Variants in RALGAPA2 observed in about 807,000 individuals in gnomAD.
RALGAPA2 encodes Ral GTPase activating protein catalytic subunit alpha 2, also known as ral GTPase-activating protein subunit alpha-2.
Under a neutral mutation model 230.4 loss-of-function variants are expected in RALGAPA2, and 139 were observed. The observed-to-expected ratio is 0.60, with a 90% CI of 0.53 to 0.69. The LOEUF is 0.69. Ranked by LOEUF, RALGAPA2 falls within the 30% of genes least tolerant of loss-of-function variation. The pLI is 0.00. For synonymous variants in RALGAPA2, 847 were observed against 837.8 expected (o/e 1.01, Z -0.19); for missense variants, 2,163 against 2,276.0 (o/e 0.95, Z 1.01).
chr20:20,618,528 A>G (rs1353180215), intron 12 of RALGAPA2, among the ~76,000 whole-genome samples: 6 of 152,186 alleles, frequency 3.9e-5, no homozygotes, highest in Non-Finnish European at 7.3e-5. Context: ...AACAGATGAC[A>G]GAAAATTAGA....
chr20:20,573,424 C>T (rs897456360), intron 20 of RALGAPA2, among the ~76,000 whole-genome samples: 2 of 152,004 alleles, frequency 1.3e-5, no homozygotes, highest in Non-Finnish European at 2.9e-5. Context: ...GTAACATCTG[C>T]GGTGGTTGTT....
chr20:20,412,638 T>C (rs1308899701), intron 37 of RALGAPA2, among the ~76,000 whole-genome samples: 1 of 152,150 alleles, frequency 6.6e-6, no homozygotes, highest in Non-Finnish European at 1.5e-5. Flanking sequence ...GCTAGGAAGA[T>C]AGATTCTGAG....
At chr20:20,439,720 A>G (rs2060694770) in intron 37 of RALGAPA2, among the ~76,000 whole-genome samples, 2 of 152,184 alleles carry the variant, frequency 1.3e-5, no homozygotes, top group South Asian at 4.1e-4. Context: ...GCAATACAAA[A>G]CAGGTAATTT....
At chr20:20,498,475 A>G (rs1179143999) in intron 35 of RALGAPA2, among the ~76,000 whole-genome samples, 1 of 152,238 alleles carries the variant, frequency 6.6e-6, no homozygotes, top group Admixed American at 6.5e-5. Flanking sequence ...GACACCGGTC[A>G]TGGTACACAC....
intron 37 of RALGAPA2, among the ~76,000 whole-genome samples, chr20:20,460,660 A>G (rs1442672270): frequency 1.3e-5 from 2 of 152,206 alleles, no homozygotes; most frequent in African/African-American, 2.4e-5. Flanking sequence ...AAACAAACAA[A>G]ACATGTTTAC....
In RALGAPA2 at chr20:20,495,290, T is replaced by C. The variant is rs774666826; in HGVS notation, c.5209-15A>G. 2 of 1,510,530 alleles carry C rather than the reference T, an allele frequency of 1.3e-6. No individual in the cohort carries two copies. Among genetic ancestry groups the C allele is most frequent in the Non-Finnish European group, 1.8e-6 (2 of 1,111,526 alleles). 93.6% of individuals were successfully genotyped at this position (1,510,530 alleles called of 1,614,324 possible). ...AAGTGACGAAGCTGCAACAGCAAAT[T>C]GACTGTTTATTAATCAGGGTGATAA... On this transcript the variant is annotated splice_polypyrimidine_tract_variant and intron_variant, in intron 35 of 39. Transcript: ENST00000202677.
At chr20:20,691,647 T>C (rs767889930) in intron 1 of RALGAPA2, among the ~76,000 whole-genome samples, 1 of 152,118 alleles carries the variant, frequency 6.6e-6, no homozygotes, top group Non-Finnish European at 1.5e-5. Context: ...CAATGGCCAA[T>C]TTTCACTTCT....
chr20:20,516,543 C>A (rs1011635892), intron 31 of RALGAPA2, among the ~76,000 whole-genome samples: 2 of 152,152 alleles, frequency 1.3e-5, no homozygotes, highest in Non-Finnish European at 2.9e-5. Context: ...CTGAGCCTGT[C>A]GAAGTTAAAG....
Position 20,512,992 on chromosome 20 carries a change from C to CA in RALGAPA2, c.4376dup (p.Arg1460GlufsTer16). 6.2e-7 allele frequency: 1 copy of CA among 1,613,726 alleles called. No homozygotes were observed. Among genetic ancestry groups the CA allele is most frequent in the Non-Finnish European group, 8.5e-7 (1 of 1,179,742 alleles). On this transcript the variant is annotated frameshift_variant, in exon 32 of 40. Transcript: ENST00000202677. LOFTEE classifies it high-confidence loss of function. ...CTGAGATATCCCTCACAATTACTCT[C>CA]ACATCAGAGAGAGAGCCCACTGGTG... is the stretch of plus-strand genomic sequence containing the variant.
intron 2 of RALGAPA2, among the ~76,000 whole-genome samples, chr20:20,679,190 G>T (rs183441728): frequency 1.3e-5 from 2 of 151,956 alleles, no homozygotes; most frequent in East Asian, 1.9e-4. Flanking sequence ...AACACAGACT[G>T]CCCAAAGCCA....
chr20:20,519,414 C>T (rs2062971639), intron 31 of RALGAPA2, among the ~76,000 whole-genome samples: 1 of 152,200 alleles, frequency 6.6e-6, no homozygotes, highest in African/African-American at 2.4e-5. Flanking sequence ...TCCTCCCTCA[C>T]CCAGCCACTG....
chr20:20,652,510 G>C (rs1038630208), intron 4 of RALGAPA2, among the ~76,000 whole-genome samples: 1 of 152,154 alleles, frequency 6.6e-6, no homozygotes, highest in African/African-American at 2.4e-5. Context: ...CTTAGTTTCT[G>C]TCCCAGAACT....
chr20:20,557,336 C>T (rs375087812), intron 23 of RALGAPA2, among the ~76,000 whole-genome samples: 6 of 151,916 alleles, frequency 3.9e-5, no homozygotes, highest in East Asian at 1.9e-4. Context: ...GTAAAATGCA[C>T]GTACTGTGTG....
chr20:20,489,354 A>G (rs1320095366), intron 36 of RALGAPA2, among the ~76,000 whole-genome samples: 1 of 152,236 alleles, frequency 6.6e-6, no homozygotes, highest in Non-Finnish European at 1.5e-5. Flanking sequence ...GAATCTACTC[A>G]TAGTCTAAGA....
chr20:20,698,421 C>T (rs551588325), intron 1 of RALGAPA2, among the ~76,000 whole-genome samples: 2 of 152,072 alleles, frequency 1.3e-5, no homozygotes, highest in South Asian at 4.2e-4. Flanking sequence ...GATGGAGTCT[C>T]GCTCTGTCAC....
intron 13 of RALGAPA2, among the ~76,000 whole-genome samples, chr20:20,614,239 A>G (rs770820797): frequency 1.4e-4 from 22 of 152,174 alleles, no homozygotes; most frequent in Non-Finnish European, 2.5e-4. Context: ...CGAGTTCTAC[A>G]ATTTTTCTTT....
Position 20,680,674 on chromosome 20 carries a change from A to C in RALGAPA2, c.217+17T>G. Reference sequence around the variant, plus strand: ...ATGCCCGAATGTTTTTTAAAAAAAAACTACTGAAATGCTTACCTTTTAATT... The same window carrying C: ...ATGCCCGAATGTTTTTTAAAAAAAACCTACTGAAATGCTTACCTTTTAATT... On this transcript the variant is annotated intron_variant, in intron 2 of 39. Transcript: ENST00000202677. 2 of 1,514,948 alleles carry C rather than the reference A, an allele frequency of 1.3e-6. No homozygotes were observed. The highest frequency in any genetic ancestry group is 1.4e-5 in the African/African-American group (1 of 70,656). 93.8% of individuals were successfully genotyped at this position (1,514,948 alleles called of 1,614,324 possible). A position where few individuals can be genotyped will look rare whatever the true frequency, so the allele number is the denominator to read the frequency against.
chr20:20,591,213 C>A lies in RALGAPA2; in HGVS notation c.2305G>T (p.Asp769Tyr), dbSNP rs200822990. 2.4e-5 allele frequency: 38 copies of A among 1,613,656 alleles called. No individual in the cohort carries two copies. Among genetic ancestry groups the A allele is most frequent in the Non-Finnish European group, 3.0e-5 (35 of 1,179,812 alleles). ...QQVLRSSSTS[D>Y]IPEPLCSDSS... ...TCTGAGCACAGCGGCTCGGGGATGTCGGAGGTGCTGCTGCTCCGAAGGACC... is the reference window on the plus strand; with the variant it reads ...TCTGAGCACAGCGGCTCGGGGATGTAGGAGGTGCTGCTGCTCCGAAGGACC... The change falls in exon 17 of 40, where the codon GAC becomes TAC. Residue 769 changes from aspartate to tyrosine, a missense_variant. Transcript: ENST00000202677.
chr20:20,524,321 A>G (rs764721655), intron 30 of RALGAPA2, 85 bp downstream of exon 30: 69 of 1,527,162 alleles, frequency 4.5e-5, no homozygotes, highest in Non-Finnish European at 6.0e-5. Flanking sequence ...GCAATGACAA[A>G]TAAGTACATG....
Sources: allele counts gnomAD v4.1 joint callset (sites outside exome capture counted in the v4.1 genomes callset), GRCh38; gene constraint gnomAD v4.1.1; transcripts MANE v1.5; gene names NCBI Gene and HGNC (gene_info 2026-07-23, HGNC 2026-07-21).